The following VPS41 variants were observed in gnomAD, a reference collection of about 807,000 sequenced individuals.
VPS41 encodes the protein vacuolar protein sorting-associated protein 41 homolog.
In VPS41, 85 loss-of-function variants were observed where a neutral mutation model predicts 130.9. The observed-to-expected ratio is 0.65, with a 90% CI of 0.55 to 0.78. The LOEUF (loss-of-function observed/expected upper bound fraction) is 0.78, where lower values mean the gene tolerates loss of function less well. VPS41 is among the 30% of genes least tolerant of loss of function. The pLI is 0.00. For synonymous variants in VPS41, 335 were observed against 332.9 expected (o/e 1.01, Z -0.07); for missense variants, 874 against 1,018.7 (o/e 0.86, Z 1.93).
At chr7:38,902,186 A>G (rs1787160147) in intron 1 of VPS41, among the ~76,000 whole-genome samples, 1 of 152,162 alleles carries the variant, frequency 6.6e-6, no homozygotes, top group Admixed American at 6.5e-5. Context: ...ATCTTCCCAA[A>G]GCACAGACCA....
intron 7 of VPS41, among the ~76,000 whole-genome samples, chr7:38,800,156 G>C (rs1358612970): frequency 6.6e-6 from 1 of 152,172 alleles, no homozygotes; most frequent in East Asian, 1.9e-4. Flanking sequence ...ACTGAGGAAT[G>C]ACGGAGCATA....
chr7:38,731,359 C>T (rs1012567122), intron 25 of VPS41, among the ~76,000 whole-genome samples: 1 of 152,174 alleles, frequency 6.6e-6, no homozygotes, highest in African/African-American at 2.4e-5. Context: ...CTAGTAGCAA[C>T]TCCATCAGTG....
rs1795537891 is a variant in VPS41 at position 38,726,186 on chromosome 7, G to A, written c.*60C>T. On this transcript the variant is annotated 3_prime_UTR_variant, in exon 29 of 29. Coordinates refer to ENST00000310301, the MANE Select transcript of VPS41 (RefSeq NM_014396.4). ...AGCACGAGTGTCAACAAATGCTTTTGTTGTTGCAAAAACAGTCTCAAAAAG... is the reference window on the plus strand; with the variant it reads ...AGCACGAGTGTCAACAAATGCTTTTATTGTTGCAAAAACAGTCTCAAAAAG... 4 of 1,188,066 alleles carry A rather than the reference G, an allele frequency of 3.4e-6. No homozygotes were observed. Among genetic ancestry groups the A allele is most frequent in the Non-Finnish European group, 3.8e-6 (3 of 794,324 alleles). 73.6% of individuals were successfully genotyped at this position (1,188,066 alleles called of 1,614,324 possible).
chr7:38,841,464 G>T (rs1002708555), intron 4 of VPS41, among the ~76,000 whole-genome samples: 1 of 152,152 alleles, frequency 6.6e-6, no homozygotes, highest in African/African-American at 2.4e-5. Context: ...CAAAATGGCT[G>T]GGGGAAGGGT....
intron 10 of VPS41, among the ~76,000 whole-genome samples, chr7:38,778,129 C>T (rs764354862): frequency 6.6e-6 from 1 of 152,130 alleles, no homozygotes; most frequent in African/African-American, 2.4e-5. Context: ...CTGCTTTGTC[C>T]TCAATTAAAG....
At chr7:38,730,187 T>C (rs943680989) in intron 25 of VPS41, among the ~76,000 whole-genome samples, 2 of 152,218 alleles carry the variant, frequency 1.3e-5, no homozygotes, top group African/African-American at 4.8e-5. Context: ...AGGGGGCACT[T>C]TGGCTTTCTT....
chr7:38,811,879 C>A lies in VPS41; in HGVS notation c.450+5938G>T, dbSNP rs561661800. Reference sequence around the variant, plus strand: ...TTTCAACTTTATGATGGTACCTATACAATGATTAAATTTTTCACTTTCAGT... The same window carrying A: ...TTTCAACTTTATGATGGTACCTATAAAATGATTAAATTTTTCACTTTCAGT... On this transcript the variant is annotated intron_variant, in intron 7 of 28. Coordinates refer to ENST00000310301, the MANE Select transcript of VPS41 (RefSeq NM_014396.4). Among the ~76,000 whole-genome samples the A allele has an allele frequency of 5.9e-5, 9 of 152,044 alleles. No individual in the cohort carries two copies. The South Asian group carries it at 1.9e-3, about 32-fold the overall frequency.
chr7:38,746,221 A>C (rs1272189138), intron 22 of VPS41, among the ~76,000 whole-genome samples: 1 of 150,956 alleles, frequency 6.6e-6, no homozygotes, highest in Non-Finnish European at 1.5e-5. Context: ...TCCAAAAAGG[A>C]GCAACTATGC....
intron 16 of VPS41, 77 bp from the exon 17 acceptor site, chr7:38,763,624 T>TA: frequency 1.1e-6 from 1 of 886,624 alleles, no homozygotes. Context: ...GCAGAAAACA[T>TA]AAAGTATATT....
intron 18 of VPS41, among the ~76,000 whole-genome samples, 176 bp from the exon 19 acceptor site, chr7:38,757,158 G>A (rs928500101): frequency 6.6e-6 from 1 of 152,082 alleles, no homozygotes; most frequent in African/African-American, 2.4e-5. Context: ...CGACCAATAA[G>A]TATTTCTTTC....
chr7:38,870,376 C>T (rs755931911), intron 2 of VPS41, among the ~76,000 whole-genome samples: 3 of 152,128 alleles, frequency 2.0e-5, no homozygotes, highest in Non-Finnish European at 2.9e-5. Context: ...CAAGAGGCAT[C>T]GGGAAATTGG....
At chr7:38,766,872 C>A (rs190196896) in intron 15 of VPS41, among the ~76,000 whole-genome samples, 4 of 152,330 alleles carry the variant, frequency 2.6e-5, no homozygotes, top group African/African-American at 7.2e-5. Context: ...CCATGCTGAA[C>A]TGTGAGTCAA....
Position 38,771,273 on chromosome 7 carries a change from G to C in VPS41, c.1129-19C>G. The C allele has an allele frequency of 6.7e-7, 1 of 1,491,936 alleles. No homozygotes were observed. Among genetic ancestry groups the C allele is most frequent in the Non-Finnish European group, 8.9e-7 (1 of 1,120,092 alleles). 92.4% of individuals were successfully genotyped at this position (1,491,936 alleles called of 1,614,324 possible). On this transcript the variant is annotated intron_variant, in intron 13 of 28. Transcript: ENST00000310301. ...ATGCTTCCTTTATTCCAAACATAAG[G>C]ATGATTTAAAAAAAAAAAAAAGCAG... is the stretch of plus-strand genomic sequence containing the variant.
At chr7:38,906,580 C>A (rs1028950074) in intron 1 of VPS41, among the ~76,000 whole-genome samples, 1 of 152,116 alleles carries the variant, frequency 6.6e-6, no homozygotes, top group African/African-American at 2.4e-5. Context: ...CTCAAACAAT[C>A]GCCCCACCTT....
chr7:38,780,470 G>T (rs1345375903), intron 10 of VPS41, among the ~76,000 whole-genome samples: 1 of 151,880 alleles, frequency 6.6e-6, no homozygotes, highest in Non-Finnish European at 1.5e-5. Flanking sequence ...AATAACTCAA[G>T]AAAAAAGACA....
At chr7:38,731,457 A>T (rs1031710128) in intron 25 of VPS41, among the ~76,000 whole-genome samples, 1 of 152,170 alleles carries the variant, frequency 6.6e-6, no homozygotes, top group African/African-American at 2.4e-5. Flanking sequence ...TTTTATAAAG[A>T]CACTGATGGC....
intron 19 of VPS41, among the ~76,000 whole-genome samples, chr7:38,756,143 T>G (rs1369093748): frequency 6.6e-6 from 1 of 152,066 alleles, no homozygotes; most frequent in Non-Finnish European, 1.5e-5. Context: ...AAATTTCAAT[T>G]TTTTGAATAA....
intron 18 of VPS41, among the ~76,000 whole-genome samples, chr7:38,757,516 C>T (rs925288297): frequency 2.6e-5 from 4 of 152,162 alleles, no homozygotes; most frequent in African/African-American, 4.8e-5. Flanking sequence ...CCATTACGAA[C>T]GTGCTGCAGA....
intron 2 of VPS41, among the ~76,000 whole-genome samples, chr7:38,889,970 G>A (rs1786825891): frequency 6.6e-6 from 1 of 152,222 alleles, no homozygotes; most frequent in Non-Finnish European, 1.5e-5. Flanking sequence ...CACTTCACTA[G>A]AAGTGGCAAA....
Sources: allele counts gnomAD v4.1 joint callset (sites outside exome capture counted in the v4.1 genomes callset), GRCh38; gene constraint gnomAD v4.1.1; transcripts MANE v1.5; gene names NCBI Gene and HGNC (gene_info 2026-07-23, HGNC 2026-07-21).